TTC6: variants seen among roughly 807,000 people sequenced by gnomAD.
TTC6 encodes tetratricopeptide repeat protein 6.
TTC6 carries 172 observed loss-of-function variants against 210.4 expected under a neutral mutation model. The observed-to-expected ratio is 0.82, with a 90% CI of 0.72 to 0.93. The LOEUF (loss-of-function observed/expected upper bound fraction) is 0.93. TTC6 is among the 40% of genes least tolerant of loss of function. The pLI is 0.00. For missense variants in TTC6, 2,414 were observed against 2,318.1 expected, an observed-to-expected ratio of 1.04 and a Z score of -0.85; for synonymous variants, 804 against 819.6, an observed-to-expected ratio of 0.98 and a Z score of 0.32.
At chr14:37,783,691 C>T (rs1221487532) in intron 14 of TTC6, among the ~76,000 whole-genome samples, 1 of 152,006 alleles carries the variant, frequency 6.6e-6, no homozygotes, top group Non-Finnish European at 1.5e-5. Flanking sequence ...TGTGTTTGCT[C>T]TTGCTTTTCT....
Position 37,651,126 on chromosome 14 carries a change from G to A in TTC6, c.939+28123G>A, listed in dbSNP as rs116096774. On this transcript the variant is annotated intron_variant, in intron 1 of 30. Coordinates refer to ENST00000553443, the Ensembl canonical transcript of TTC6. The stretch of plus-strand genomic sequence containing the variant: ...TTTTTAGAAAATGGAGAAGAATTTC[G>A]TGCACACAGATTAATTGTAGTGTTT... Among the ~76,000 whole-genome samples the A allele has an allele frequency of 2.7e-3, 407 of 152,010 alleles. 4 individuals are homozygous for A. Among genetic ancestry groups the A allele is most frequent in the African/African-American group, 9.4e-3 (391 of 41,460 alleles).
intron 10 of TTC6, 91 bp from the exon 13 acceptor site, chr14:37,748,848 A>T: frequency 9.9e-7 from 1 of 1,008,272 alleles, no homozygotes. Flanking sequence ...TTGATAACAA[A>T]TAGTAGTTTT....
intron 5 of TTC6, among the ~76,000 whole-genome samples, chr14:37,709,692 TAA>T (rs10585657): frequency 0.63 from 79,712 of 126,646 alleles, 25,305 homozygotes; most frequent in African/African-American, 0.78. Flanking sequence ...TCATGTTTTG[TAA>T]AAAAAAAAAA....
intron 2 of TTC6, among the ~76,000 whole-genome samples, chr14:37,609,445 G>A (rs2095630719): frequency 6.6e-6 from 1 of 152,012 alleles, no homozygotes. Context: ...CAATAAACTA[G>A]ACCTAGAACA....
In TTC6 at chr14:37,721,725, T is replaced by C. The variant is rs149461718; in HGVS notation, c.1714-3173T>C. On this transcript the variant is annotated intron_variant, in intron 6 of 30. Coordinates refer to ENST00000553443, the Ensembl canonical transcript of TTC6. ...GGATATATTTTGTTTGTATTTCTCA[T>C]TTAATCACATTAAATATTAAGATGT... Among the ~76,000 whole-genome samples the C allele has an allele frequency of 2.7e-3, 410 of 151,760 alleles. 2 individuals carry two copies. The highest frequency in any genetic ancestry group is 9.5e-3 in the African/African-American group (394 of 41,416).
intron 3 of TTC6, among the ~76,000 whole-genome samples, chr14:37,684,672 T>G (rs2095790515): frequency 6.6e-6 from 1 of 152,194 alleles, no homozygotes; most frequent in South Asian, 2.1e-4. Flanking sequence ...CCAAGTCTTC[T>G]CCAAGAATCA....
exon 15 of TTC6, chr14:37,787,515 C>T (rs2096070594): frequency 6.5e-7 from 1 of 1,529,758 alleles, no homozygotes; most frequent in African/African-American, 1.4e-5. Flanking sequence ...TATAAAGAAG[C>T]AACTCAAGAT....
intron 12 of TTC6, among the ~76,000 whole-genome samples, chr14:37,750,742 T>G (rs992087018): frequency 3.3e-5 from 5 of 151,858 alleles, no homozygotes; most frequent in Non-Finnish European, 7.4e-5. Context: ...ATACAAAAAT[T>G]AGCTGGGTGT....
chr14:37,639,715 CA>C (rs35837305), intron 1 of TTC6, among the ~76,000 whole-genome samples: 26,605 of 74,138 alleles, frequency 0.36, 2,937 homozygotes, highest in Non-Finnish European at 0.44. Context: ...ACAAGAAATA[CA>C]AAAAAAAAAA....
chr14:37,751,871 T>C (rs1279676744), intron 13 of TTC6, among the ~76,000 whole-genome samples: 1 of 142,608 alleles, frequency 7.0e-6, no homozygotes, highest in African/African-American at 2.6e-5. Context: ...TTGCCCAGGC[T>C]GGAGTGCAGT....
exon 15 of TTC6, chr14:37,787,496 T>C (rs2139308222): frequency 1.3e-6 from 2 of 1,529,374 alleles, no homozygotes; most frequent in East Asian, 4.9e-5. Context: ...ATATGTTAAA[T>C]GGAAATTTTA....
chr14:37,781,654 G>A (rs538512500), intron 14 of TTC6, among the ~76,000 whole-genome samples: 1 of 152,092 alleles, frequency 6.6e-6, no homozygotes, highest in African/African-American at 2.4e-5. Flanking sequence ...GTCAATTTTG[G>A]CTTTTGTTGC....
intron 14 of TTC6, among the ~76,000 whole-genome samples, chr14:37,782,720 A>G (rs1473687750): frequency 2.6e-5 from 4 of 152,148 alleles, no homozygotes; most frequent in Non-Finnish European, 5.9e-5. Flanking sequence ...TTCAAAGGGA[A>G]TGTTTCCAGT....
chr14:37,792,554 A>G (rs2096082444), intron 17 of TTC6, 140 bp downstream of exon 19: 1 of 569,344 alleles, frequency 1.8e-6, no homozygotes, highest in Non-Finnish European at 2.7e-6. Context: ...TTAAGCTGGT[A>G]GTTAACTCTA....
intron 6 of TTC6, among the ~76,000 whole-genome samples, chr14:37,716,191 A>G (rs1321872687): frequency 2.0e-5 from 3 of 152,140 alleles, no homozygotes; most frequent in Non-Finnish European, 4.4e-5. Flanking sequence ...TTAAAAAGCT[A>G]TACAAAGAGA....
intron 1 of TTC6, among the ~76,000 whole-genome samples, chr14:37,601,598 G>T (rs2095615716): frequency 6.6e-6 from 1 of 152,210 alleles, no homozygotes; most frequent in African/African-American, 2.4e-5. Flanking sequence ...ACTGAGTGAA[G>T]AATTGGATGG....
chr14:37,777,476 A>C (rs1050410208), intron 14 of TTC6, among the ~76,000 whole-genome samples: 2 of 152,026 alleles, frequency 1.3e-5, no homozygotes, highest in Non-Finnish European at 2.9e-5. Flanking sequence ...TATTAAAATG[A>C]CCATTTCATC....
intron 2 of TTC6, among the ~76,000 whole-genome samples, chr14:37,615,202 C>T (rs1356828698): frequency 6.6e-6 from 1 of 152,114 alleles, no homozygotes; most frequent in African/African-American, 2.4e-5. Flanking sequence ...TGAATTTTGT[C>T]TTTGTCTTTG....
chr14:37,708,428 T>C (rs2095839216), intron 5 of TTC6, among the ~76,000 whole-genome samples: 1 of 152,118 alleles, frequency 6.6e-6, no homozygotes, highest in Non-Finnish European at 1.5e-5. Flanking sequence ...AAAATCATTT[T>C]ATTTCCCAAA....
Sources: allele counts gnomAD v4.1 joint callset (sites outside exome capture counted in the v4.1 genomes callset), GRCh38; gene constraint gnomAD v4.1.1; transcripts MANE v1.5; gene names NCBI Gene and HGNC (gene_info 2026-07-23, HGNC 2026-07-21).